The following THSD4 variants were observed in gnomAD, a reference collection of about 807,000 sequenced individuals.
THSD4 encodes the protein thrombospondin type-1 domain-containing protein 4.
In THSD4, 69 loss-of-function variants were observed where a neutral mutation model predicts 119.0. The ratio of observed to expected loss-of-function variants is 0.58; its 90% CI spans 0.48 to 0.71. The LOEUF (loss-of-function observed/expected upper bound fraction) is 0.71, where lower values mean the gene tolerates loss of function less well. Among genes scored for constraint, THSD4 ranks in the 30% least tolerant of loss-of-function variants. THSD4 has a pLI of 0.00. For synonymous variants in THSD4, 524 were observed against 540.4 expected (o/e 0.97, Z 0.42); for missense variants, 1,393 against 1,391.1 (o/e 1.00, Z -0.02).
intron 7 of THSD4, among the ~76,000 whole-genome samples, chr15:71,591,937 T>C (rs1352673135): frequency 6.6e-6 from 1 of 152,114 alleles, no homozygotes; most frequent in African/African-American, 2.4e-5. Flanking sequence ...ACAGGCACCA[T>C]GTCGTGTTTT....
At chr15:71,670,830 CT>C (rs199564583) in intron 8 of THSD4, among the ~76,000 whole-genome samples, 14,539 of 151,272 alleles carry the variant, frequency 0.096, 733 homozygotes, top group South Asian at 0.17. Flanking sequence ...TGAACTCATC[CT>C]TTTTTTATGG....
At chr15:71,577,307 T>TG (rs892190739) in intron 7 of THSD4, among the ~76,000 whole-genome samples, 6 of 152,178 alleles carry the variant, frequency 3.9e-5, no homozygotes, top group African/African-American at 1.2e-4. Context: ...CTGTGTGTTC[T>TG]GGGGGAGTTA....
intron 4 of THSD4, among the ~76,000 whole-genome samples, chr15:71,238,930 A>G (rs1424495354): frequency 2.0e-5 from 3 of 152,274 alleles, no homozygotes; most frequent in South Asian, 2.1e-4. Context: ...GAGGTTACCA[A>G]TTTATCTTTC....
chr15:71,102,894 G>A (rs554054435), intron 1 of THSD4, among the ~76,000 whole-genome samples: 1 of 152,164 alleles, frequency 6.6e-6, no homozygotes, highest in African/African-American at 2.4e-5. Flanking sequence ...TTTCCCCCCT[G>A]AGAATTTCGG....
intron 6 of THSD4, among the ~76,000 whole-genome samples, chr15:71,373,581 A>G (rs968136096): frequency 1.3e-5 from 2 of 152,240 alleles, no homozygotes; most frequent in South Asian, 4.1e-4. Flanking sequence ...TGGATCCATA[A>G]GATCTGGTGG....
rs567989885 is a variant in THSD4 at position 71,624,996 on chromosome 15, T to C, written c.1153-35534T>C. Among the ~76,000 whole-genome samples the C allele has an allele frequency of 6.1e-3, 831 of 135,346 alleles. 7 individuals carry two copies. The highest frequency in any genetic ancestry group is 0.011 in the Non-Finnish European group (632 of 60,062). The allele number at this position is 135,346 out of a possible 152,430, so 88.8% of individuals were successfully genotyped here. On this transcript the variant is annotated intron_variant, in intron 7 of 17. Coordinates refer to ENST00000261862, the MANE Select transcript of THSD4 (RefSeq NM_024817.3). ...GCCAGTGAAGAGCTTGTTTTGTTGT[T>C]GTTTTGTTTGTTTGTTTGTTTGTTT...
chr15:71,304,550 C>G (rs1386648203), intron 6 of THSD4, among the ~76,000 whole-genome samples: 1 of 151,948 alleles, frequency 6.6e-6, no homozygotes, highest in Non-Finnish European at 1.5e-5. Flanking sequence ...AATTCTTTTC[C>G]TCCTTTCTTG....
At chr15:71,683,998 C>G (rs904848479) in intron 8 of THSD4, among the ~76,000 whole-genome samples, 2 of 152,114 alleles carry the variant, frequency 1.3e-5, no homozygotes, top group Non-Finnish European at 2.9e-5. Flanking sequence ...ACCATTCAGT[C>G]TAAGAACATA....
At chr15:71,193,365 A>C in intron 3 of THSD4, among the ~76,000 whole-genome samples, 1 of 152,194 alleles carries the variant, frequency 6.6e-6, no homozygotes, top group South Asian at 2.1e-4. Flanking sequence ...GAACAGAACA[A>C]GATTAGCAAT....
chr15:71,716,794 G>A (rs1185944774), intron 8 of THSD4, among the ~76,000 whole-genome samples: 1 of 152,122 alleles, frequency 6.6e-6, no homozygotes, highest in Non-Finnish European at 1.5e-5. Flanking sequence ...CCCCCTTGCA[G>A]TATATACAGG....
chr15:71,716,789 T>C (rs1474561784), intron 8 of THSD4, among the ~76,000 whole-genome samples: 1 of 152,160 alleles, frequency 6.6e-6, no homozygotes, highest in East Asian at 1.9e-4. Context: ...GCATCCCCCC[T>C]TGCAGTATAT....
intron 4 of THSD4, among the ~76,000 whole-genome samples, chr15:71,229,281 A>G (rs566972295): frequency 5.9e-5 from 9 of 152,350 alleles, no homozygotes; most frequent in African/African-American, 2.2e-4. Context: ...CACATAATTC[A>G]TTTAGCAGGT....
intron 8 of THSD4, among the ~76,000 whole-genome samples, chr15:71,671,765 G>C (rs912908280): frequency 6.6e-6 from 1 of 152,150 alleles, no homozygotes; most frequent in African/African-American, 2.4e-5. Flanking sequence ...TCTTGTTTTT[G>C]TTAGGTTTGT....
At chr15:71,144,563 C>T (rs2040637933) in intron 2 of THSD4, among the ~76,000 whole-genome samples, 1 of 151,922 alleles carries the variant, frequency 6.6e-6, no homozygotes, top group South Asian at 2.1e-4. Context: ...CAAGAAAATC[C>T]CTGAAAGAAC....
intron 14 of THSD4, among the ~76,000 whole-genome samples, chr15:71,756,382 A>C (rs567097359): frequency 6.6e-6 from 1 of 152,308 alleles, no homozygotes; most frequent in Admixed American, 6.5e-5. Flanking sequence ...TAGAAACTTG[A>C]AAGCAAATCA....
intron 7 of THSD4, among the ~76,000 whole-genome samples, chr15:71,470,880 C>T (rs963890407): frequency 1.3e-5 from 2 of 151,960 alleles, no homozygotes; most frequent in Non-Finnish European, 1.5e-5. Context: ...CATGATCCAC[C>T]CGCCTCGGCC....
intron 7 of THSD4, among the ~76,000 whole-genome samples, chr15:71,500,142 T>A (rs542901138): frequency 6.6e-6 from 1 of 152,314 alleles, no homozygotes; most frequent in South Asian, 2.1e-4. Flanking sequence ...TCACCAACGC[T>A]TGTTATTATC....
chr15:71,682,929 T>TTC (rs2051825331), intron 8 of THSD4, among the ~76,000 whole-genome samples: 1 of 134,208 alleles, frequency 7.5e-6, no homozygotes. Flanking sequence ...TCTTTTTTTT[T>TTC]TTTTTTTTTT....
At chr15:71,380,664 T>G (rs1316987461) in intron 6 of THSD4, among the ~76,000 whole-genome samples, 1 of 152,056 alleles carries the variant, frequency 6.6e-6, no homozygotes, top group African/African-American at 2.4e-5. Context: ...CTGTTTTGGT[T>G]TTGATGGCAA....
Sources: gnomAD v4.1 joint callset for allele counts (sites outside exome capture counted in the v4.1 genomes callset) on GRCh38, gnomAD v4.1.1 for gene constraint, MANE v1.5 for transcripts, NCBI Gene and HGNC (gene_info 2026-07-23, HGNC 2026-07-21) for gene names.